The following CINP variants were observed in gnomAD, a reference collection of about 807,000 sequenced individuals.
The protein encoded by CINP is cyclin-dependent kinase 2-interacting protein.
A neutral mutation model predicts 20.5 loss-of-function variants in CINP; 11 were observed. The observed-to-expected ratio is 0.54, with a 90% CI of 0.34 to 0.89. CINP has a LOEUF of 0.89. Among genes scored for constraint, CINP ranks in the 40% least tolerant of loss-of-function variants. CINP has a pLI of 0.02. For missense variants in CINP, 213 were observed against 251.0 expected (o/e 0.85, Z 1.02); for synonymous variants, 108 against 102.1 (o/e 1.06, Z -0.35).
intron 1 of CINP, among the ~76,000 whole-genome samples, chr14:102,361,030 G>C (rs1887130552): frequency 6.6e-6 from 1 of 152,214 alleles, no homozygotes; most frequent in South Asian, 2.1e-4. Flanking sequence ...TTCCAAAGGG[G>C]AGGCAGATAA....
intron 4 of CINP, 72 bp downstream of exon 4, chr14:102,349,847 A>C: frequency 6.5e-7 from 1 of 1,531,308 alleles, no homozygotes; most frequent in South Asian, 1.2e-5. Context: ...TTAAAGTACC[A>C]GATGTAAACG....
chr14:102,354,154 G>A (rs578246507), intron 3 of CINP, among the ~76,000 whole-genome samples: 88 of 152,322 alleles, frequency 5.8e-4, no homozygotes, highest in Admixed American at 1.1e-3. Context: ...TCAAATATGT[G>A]TAAAACCTGA....
At chr14:102,354,714 G>A (rs1417188188) in intron 3 of CINP, among the ~76,000 whole-genome samples, 3 of 151,968 alleles carry the variant, frequency 2.0e-5, no homozygotes, top group Admixed American at 2.0e-4. Flanking sequence ...CCAAGATCTC[G>A]CCACTGCACT....
chr14:102,355,098 C>A (rs1886967260), intron 3 of CINP, among the ~76,000 whole-genome samples: 1 of 150,140 alleles, frequency 6.7e-6, no homozygotes, highest in Non-Finnish European at 1.5e-5. Flanking sequence ...ATCCAAAAAA[C>A]AAAGATAAAG....
rs1448618067 is a variant in CINP at position 102,349,994 on chromosome 14, C to T, written c.361G>A (p.Glu121Lys). 6.2e-7 allele frequency: 1 copy of T among 1,613,644 alleles called. No individual in the cohort carries two copies. The highest frequency in any genetic ancestry group is 8.5e-7 in the Non-Finnish European group (1 of 1,179,756). Residue 121 changes from glutamate to lysine, a missense_variant, in exon 4 of 5, where the codon GAA becomes AAA. By Grantham distance (56) the Glu-to-Lys change is moderately conservative (BLOSUM62 1). Coordinates refer to ENST00000216756, the MANE Select transcript of CINP (RefSeq NM_032630.3). Reference sequence around the variant, plus strand: ...TCCCCATAATGGTAGTTTTCTAGTTCACAAATTCCCTTGGTAGTTGAAGAC... The same window carrying T: ...TCCCCATAATGGTAGTTTTCTAGTTTACAAATTCCCTTGGTAGTTGAAGAC... ...KLSSTTKGIC[E>K]LENYHYGEES...
rs148403098 is a variant in CINP at position 102,351,945 on chromosome 14, C to T, written c.307-1897G>A. Among the ~76,000 whole-genome samples, 4,443 of 152,174 alleles carry T rather than the reference C, an allele frequency of 0.029. 84 individuals are homozygous for T. Among genetic ancestry groups the T allele is most frequent in the Non-Finnish European group, 0.042 (2,824 of 67,996 alleles). On this transcript the variant is annotated intron_variant, in intron 3 of 4. Transcript: ENST00000216756. The surrounding 1 kb of genome is among the most constrained non-coding windows in gnomAD (Gnocchi z 4.2). ...TGTCACCCAGGCTGGAGTGCAGTGG[C>T]GCGATCTCCGCTCACTGCAACCTCC...
chr14:102,357,638 C>T (rs1226799607), intron 2 of CINP, among the ~76,000 whole-genome samples: 1 of 152,152 alleles, frequency 6.6e-6, no homozygotes, highest in Non-Finnish European at 1.5e-5. Flanking sequence ...TAACTCTCTT[C>T]AATTCTGTGA....
chr14:102,361,230 C>T (rs1345431873), intron 1 of CINP, among the ~76,000 whole-genome samples: 1 of 152,030 alleles, frequency 6.6e-6, no homozygotes, highest in Non-Finnish European at 1.5e-5. Context: ...GTTCAAAAAA[C>T]AGAAAACAAA....
Position 102,359,477 on chromosome 14 carries a change from G to A in CINP, c.118C>T (p.Leu40Phe), listed in dbSNP as rs1266645163. The change falls in exon 2 of 5, where the codon CTC becomes TTC. Residue 40 changes from leucine (L) to phenylalanine (F), a missense_variant. Physicochemically the swap from Leu to Phe is conservative, Grantham distance 22. Transcript: ENST00000216756. ...GCAGTGGTAAAACCTGCATCATTGA[G>A]GGTTTCCCACTTCAGGATTAAATTG... ...WHNLILKWET[L>F]NDAGFTTANN... The A allele has an allele frequency of 6.2e-7, 1 of 1,612,192 alleles. No individual in the cohort carries two copies. The highest frequency in any genetic ancestry group is 1.3e-5 in the African/African-American group (1 of 74,832).
chr14:102,356,961 T>C (rs1025396648), intron 2 of CINP, among the ~76,000 whole-genome samples: 7 of 152,166 alleles, frequency 4.6e-5, no homozygotes, highest in Non-Finnish European at 8.8e-5. Flanking sequence ...GGCCTCTAAG[T>C]GTACAAGTGA....
chr14:102,356,184 G>A (rs1225437933), intron 2 of CINP, among the ~76,000 whole-genome samples: 2 of 152,140 alleles, frequency 1.3e-5, no homozygotes, highest in African/African-American at 4.8e-5. Context: ...AGGGATGGAC[G>A]CGGGAGGACT....
chr14:102,360,507 A>T (rs1887116334), intron 1 of CINP, among the ~76,000 whole-genome samples: 1 of 152,236 alleles, frequency 6.6e-6, no homozygotes, highest in Admixed American at 6.5e-5. Flanking sequence ...TGATGCCTCA[A>T]GTCAGAAGAC....
At chr14:102,361,427 C>T (rs1887146418) in intron 1 of CINP, among the ~76,000 whole-genome samples, 1 of 152,152 alleles carries the variant, frequency 6.6e-6, no homozygotes, top group Admixed American at 6.5e-5. Context: ...ATCACGAGGT[C>T]AGGAGATCGA....
chr14:102,355,446 C>T (rs561172291), intron 3 of CINP: 3 of 196,186 alleles, frequency 1.5e-5, no homozygotes, highest in Admixed American at 5.5e-5. Flanking sequence ...GCCCAGGAGG[C>T]GGAGTTTGCG....
chr14:102,353,444 G>T (rs1337750323), intron 3 of CINP, among the ~76,000 whole-genome samples: 1 of 152,156 alleles, frequency 6.6e-6, no homozygotes. Context: ...GGAGGCTGAG[G>T]TGGGAGCACT....
At position 102,355,873 on chromosome 14, in the gene CINP, G is replaced by C. The variant is rs749174150; in HGVS notation, c.201C>G (p.Asp67Glu). 6.2e-7 allele frequency: 1 copy of C among 1,614,158 alleles called. No individual in the cohort carries two copies. Among genetic ancestry groups the C allele is most frequent in the Non-Finnish European group, 8.5e-7 (1 of 1,180,000 alleles). Residue 67 changes from aspartate (D) to glutamate (E), a missense_variant, in exon 3 of 5, where the codon GAC becomes GAG. Physicochemically the swap from Asp to Glu is conservative, Grantham distance 45 (BLOSUM62 2). Transcript: ENST00000216756. ...TTTCCTTCGAGGCTGGGCTGCTGCT[G>C]TCTAGTTCTATCTTGTCTTTATTCC... The part of the protein sequence containing the change: ...SLLNKDKIEL[D>E]SSSPASKENE...
chr14:102,357,033 C>A (rs1362698553), intron 2 of CINP, among the ~76,000 whole-genome samples: 1 of 152,006 alleles, frequency 6.6e-6, no homozygotes, highest in Non-Finnish European at 1.5e-5. Context: ...ATTTAAGAAA[C>A]AAAAAAATTA....
chr14:102,357,384 C>CAAAAAAAA (rs60214361), intron 2 of CINP, among the ~76,000 whole-genome samples: 1 of 111,352 alleles, frequency 9.0e-6, no homozygotes, highest in African/African-American at 3.5e-5. Flanking sequence ...TCCATCTCTA[C>CAAAAAAAA]AAAAAAAAAA....
intron 4 of CINP, 139 bp from the exon 5 acceptor site, chr14:102,348,898 T>G: frequency 1.4e-6 from 1 of 708,196 alleles, no homozygotes; most frequent in Non-Finnish European, 2.4e-6. Flanking sequence ...CCGATGGAGT[T>G]TACTACTCTA....
Sources: gnomAD v4.1 joint callset for allele counts (sites outside exome capture counted in the v4.1 genomes callset) on GRCh38, gnomAD v4.1.1 for gene constraint, Gnocchi (gnomAD v3.1) non-coding constraint, MANE v1.5 for transcripts, NCBI Gene and HGNC (gene_info 2026-07-23, HGNC 2026-07-21) for gene names.